The following TMEM254 variants were observed in gnomAD, a reference collection of about 807,000 sequenced individuals.
TMEM254 encodes transmembrane protein 254, also known as transmembrane protein C10orf57.
In TMEM254, 16 loss-of-function variants were observed where a neutral mutation model predicts 13.9. That is an observed-to-expected ratio of 1.15 (90% confidence interval 0.78 to 1.75). TMEM254 has a LOEUF of 1.75. Ranked by LOEUF, TMEM254 falls within the 40% of genes most tolerant of loss-of-function variation. The pLI is 0.00. For missense variants in TMEM254, 155 were observed against 149.0 expected (o/e 1.04, Z -0.21); for synonymous variants, 61 against 56.4 (o/e 1.08, Z -0.36).
intron 3 of TMEM254, among the ~76,000 whole-genome samples, chr10:80,089,277 A>G (rs80278891): frequency 0.014 from 2,107 of 152,298 alleles, 49 homozygotes; most frequent in African/African-American, 0.047. Context: ...AGAACTTTCA[A>G]CATTTTGCAT....
At chr10:80,087,928 G>A in intron 3 of TMEM254, among the ~76,000 whole-genome samples, 1 of 149,544 alleles carries the variant, frequency 6.7e-6, no homozygotes, top group African/African-American at 2.5e-5. Context: ...ATAAACAGAA[G>A]TTTATCAATG....
chr10:80,090,841 T>A lies in TMEM254; in HGVS notation c.296T>A (p.Leu99Gln), dbSNP rs1589391601. 2 of 1,614,192 alleles carry A rather than the reference T, an allele frequency of 1.2e-6. No individual in the cohort carries two copies. The highest frequency in any genetic ancestry group is 1.7e-6 in the Non-Finnish European group (2 of 1,180,040). Residue 99 changes from leucine (L) to glutamine (Q), a missense_variant, in exon 4 of 4, where the codon CTA (leucine) becomes CAA (glutamine). By Grantham distance (113) the Leu-to-Gln change is moderately radical. Transcript: ENST00000372281. ...GGTCGGGCTCAGCTACTCTGGTTCCTACAGACTTTCTTCTTTGGGATAGCG... is the reference window on the plus strand; with the variant it reads ...GGTCGGGCTCAGCTACTCTGGTTCCAACAGACTTTCTTCTTTGGGATAGCG... ...TSGRAQLLWF[L>Q]QTFFFGIASL...
At chr10:80,090,649 T>C in intron 3 of TMEM254, 148 bp from the exon 4 acceptor site, 1 of 718,824 alleles carries the variant, frequency 1.4e-6, no homozygotes, top group Non-Finnish European at 2.3e-6. Flanking sequence ...AAATGAACCA[T>C]CCAAGATAAG....
At chr10:80,084,634 C>G (rs1469693942) in intron 3 of TMEM254, among the ~76,000 whole-genome samples, 1 of 152,050 alleles carries the variant, frequency 6.6e-6, no homozygotes, top group Non-Finnish European at 1.5e-5. Flanking sequence ...CTGGGCTTGA[C>G]TTGTGGGAAA....
chr10:80,078,673 G>C lies in TMEM254; in HGVS notation c.-27G>C, dbSNP rs1419758001. 1.7e-5 allele frequency: 26 copies of C among 1,573,354 alleles called. No individual in the cohort carries two copies. The East Asian group carries it at 6.1e-4, about 37-fold the overall frequency. On this transcript the variant is annotated 5_prime_UTR_variant, in exon 1 of 4. Transcript: ENST00000372281. ...CGCTCGCGCTCGACGGTGTCCTGAA[G>C]CGCGCTCCCGGGGAGGTGTTGCAGC...
At chr10:80,079,855 C>T (rs1353597007) in intron 1 of TMEM254, among the ~76,000 whole-genome samples, 4 of 152,154 alleles carry the variant, frequency 2.6e-5, no homozygotes, top group Non-Finnish European at 5.9e-5. Flanking sequence ...TTACACTATG[C>T]CCAGCTATTT....
intron 3 of TMEM254, among the ~76,000 whole-genome samples, chr10:80,086,667 C>T (rs573004397): frequency 1.8e-4 from 28 of 151,788 alleles, no homozygotes; most frequent in African/African-American, 6.5e-4. Context: ...ATGGTGAAAC[C>T]CCGTCTCTAC....
In TMEM254 at chr10:80,082,052, C is replaced by A. The variant is rs112101906; in HGVS notation, c.192-93C>A. The A allele has an allele frequency of 8.8e-4, 1,385 of 1,573,064 alleles. 14 individuals carry two copies. In the African/African-American group the frequency reaches 0.017, roughly 19 times the overall value. On this transcript the variant is annotated intron_variant, in intron 2 of 3. Transcript: ENST00000372281. Reference sequence around the variant, plus strand: ...GTATCTAAGAGTAGTGTCGGTTCACCTTAAGGCACTTTTCTTTTTGAGATT... The same window carrying A: ...GTATCTAAGAGTAGTGTCGGTTCACATTAAGGCACTTTTCTTTTTGAGATT...
In TMEM254 at chr10:80,079,288, C is replaced by T; in HGVS notation, c.87+502C>T. On this transcript the variant is annotated intron_variant, in intron 1 of 3. Coordinates refer to ENST00000372281, the MANE Select transcript of TMEM254 (RefSeq NM_025125.4). ...GGGGCCTGTGCGCACGCGCATCTGA[C>T]GGTTGTCTCGGTTACTCATGTAAGC... The T allele has an allele frequency of 8.3e-6, 10 of 1,207,718 alleles. No homozygotes were observed. In the African/African-American group the frequency reaches 9.6e-5, roughly 12 times the overall value. 74.8% of individuals were successfully genotyped at this position (1,207,718 alleles called of 1,614,324 possible).
At chr10:80,080,563 C>T (rs552892006) in intron 1 of TMEM254, among the ~76,000 whole-genome samples, 25 of 152,316 alleles carry the variant, frequency 1.6e-4, no homozygotes, top group South Asian at 1.2e-3. Flanking sequence ...GAGCCAGTTT[C>T]TGCAGTAAAG....
chr10:80,089,155 AT>A lies in TMEM254; in HGVS notation c.252-1639del, dbSNP rs201276639. ...TAAAACTGTCCAGAAATACAGTTTTATTTCTTTCTTTCAATTCTGTATACCT... is the reference window on the plus strand; with the variant it reads ...TAAAACTGTCCAGAAATACAGTTTTATTCTTTCTTTCAATTCTGTATACCT... On this transcript the variant is annotated intron_variant, in intron 3 of 3. Coordinates refer to ENST00000372281, the MANE Select transcript of TMEM254 (RefSeq NM_025125.4). 7.8e-3 allele frequency among the ~76,000 whole-genome samples: 1,189 copies of A among 152,018 alleles called. 8 individuals carry two copies. The highest frequency in any genetic ancestry group is 0.011 in the Non-Finnish European group (763 of 67,942).
chr10:80,086,878 G>A (rs1163316102), intron 3 of TMEM254, among the ~76,000 whole-genome samples: 1 of 151,996 alleles, frequency 6.6e-6, no homozygotes, highest in Middle Eastern at 3.2e-3. Flanking sequence ...TGGGCATGGT[G>A]GCTGATGCCT....
At chr10:80,088,854 TC>T (rs1184765125) in intron 3 of TMEM254, among the ~76,000 whole-genome samples, 1 of 151,788 alleles carries the variant, frequency 6.6e-6, no homozygotes, top group African/African-American at 2.4e-5. Flanking sequence ...TGCGTCGGTC[TC>T]CCAAAGTGCT....
At position 80,086,461 on chromosome 10, in the gene TMEM254, A is replaced by G. The variant is rs571025318; in HGVS notation, c.251+4257A>G. The G allele has an allele frequency of 3.0e-5, 10 of 331,948 alleles. No homozygotes were observed. In the East Asian group the frequency reaches 3.7e-4, roughly 12 times the overall value. The allele number at this position is 331,948 out of a possible 1,614,324, so 20.6% of individuals were successfully genotyped here. A position where few individuals can be genotyped will look rare whatever the true frequency, so the allele number is the denominator to read the frequency against. ...GGATCATATAAATTTACTTTCCAAA[A>G]CAAAATATTTTTGTTGTTTTGCCTA... On this transcript the variant is annotated intron_variant, in intron 3 of 3. Coordinates refer to ENST00000372281, the MANE Select transcript of TMEM254 (RefSeq NM_025125.4).
At chr10:80,090,400 A>G (rs1414861464) in intron 3 of TMEM254, 1 of 717,634 alleles carries the variant, frequency 1.4e-6, no homozygotes, top group African/African-American at 1.7e-5. Context: ...TGATTCTGAG[A>G]GATTCTGAGT....
At chr10:80,084,310 C>T (rs1844204624) in intron 3 of TMEM254, among the ~76,000 whole-genome samples, 1 of 152,114 alleles carries the variant, frequency 6.6e-6, no homozygotes, top group Admixed American at 6.5e-5. Context: ...CCCTCAGAGT[C>T]TGTGTTCTAG....
At chr10:80,085,655 G>C (rs17606361) in intron 3 of TMEM254, among the ~76,000 whole-genome samples, 12,919 of 152,060 alleles carry the variant, frequency 0.085, 746 homozygotes, top group South Asian at 0.21. Context: ...GATTAAAAAG[G>C]GTATCTAGCC....
chr10:80,085,055 C>T lies in TMEM254; in HGVS notation c.251+2851C>T, dbSNP rs112135814. Among the ~76,000 whole-genome samples the T allele has an allele frequency of 4.9e-3, 739 of 152,124 alleles. 9 individuals are homozygous for T. The highest frequency in any genetic ancestry group is 0.017 in the African/African-American group (697 of 41,516). On this transcript the variant is annotated intron_variant, in intron 3 of 3. Transcript: ENST00000372281. ...CAGGATGGTCTTGATCTCTTGACCTCGTAATCCGCCCACCTCGGTTTCCCA... is the reference window on the plus strand; with the variant it reads ...CAGGATGGTCTTGATCTCTTGACCTTGTAATCCGCCCACCTCGGTTTCCCA...
At chr10:80,081,596 T>TG in intron 1 of TMEM254, 2 of 1,245,630 alleles carry the variant, frequency 1.6e-6, no homozygotes, top group Non-Finnish European at 2.2e-6. Flanking sequence ...TGAGCCCAGA[T>TG]GGTGGAGGCT....
Sources: gnomAD v4.1 joint callset for allele counts (sites outside exome capture counted in the v4.1 genomes callset) on GRCh38, gnomAD v4.1.1 for gene constraint, MANE v1.5 for transcripts, NCBI Gene and HGNC (gene_info 2026-07-23, HGNC 2026-07-21) for gene names.